CNTNAP2: variants seen among roughly 807,000 people sequenced by gnomAD.
CNTNAP2 encodes the protein contactin associated protein 2.
In CNTNAP2, 98 loss-of-function variants were observed where a neutral mutation model predicts 155.2. That is an observed-to-expected ratio of 0.63 (90% CI 0.54 to 0.75). The LOEUF (loss-of-function observed/expected upper bound fraction) is 0.75, where lower values mean the gene tolerates loss of function less well. CNTNAP2 is among the 30% of genes least tolerant of loss of function. CNTNAP2 has a pLI of 0.00. For synonymous variants in CNTNAP2, 651 were observed against 631.2 expected, an observed-to-expected ratio of 1.03 and a Z score of -0.47; for missense variants, 1,727 against 1,688.1, an observed-to-expected ratio of 1.02 and a Z score of -0.40.
rs1411862303 is a variant in CNTNAP2, at chr7:146,614,985, T to A, written c.98-159286T>A. 2.0e-5 allele frequency among the ~76,000 whole-genome samples: 3 copies of A among 152,254 alleles called. No homozygotes were observed. The East Asian group carries it at 5.8e-4, about 29-fold the overall frequency. ...ATAAAAGAAGGCAAAAAAAAGCTTT[T>A]GAAAAAAGAAAATATACTGGGAAAT... On this transcript the variant is annotated intron_variant, in intron 1 of 23. Transcript: ENST00000361727.
chr7:147,505,962 CTCT>C (rs1181960001), intron 11 of CNTNAP2, among the ~76,000 whole-genome samples: 1 of 152,216 alleles, frequency 6.6e-6, no homozygotes, highest in Non-Finnish European at 1.5e-5. Flanking sequence ...AAGAAGGAGT[CTCT>C]TAAGAACCGG....
At chr7:146,871,073 G>C (rs1795295943) in intron 3 of CNTNAP2, among the ~76,000 whole-genome samples, 1 of 152,154 alleles carries the variant, frequency 6.6e-6, no homozygotes, top group East Asian at 1.9e-4. Context: ...TATTGAAATG[G>C]ATTATAACAT....
chr7:146,633,701 C>A (rs1336427938), intron 1 of CNTNAP2, among the ~76,000 whole-genome samples: 1 of 151,680 alleles, frequency 6.6e-6, no homozygotes, highest in Non-Finnish European at 1.5e-5. Flanking sequence ...TGATGGTGGG[C>A]GCCTGTAGTC....
intron 1 of CNTNAP2, among the ~76,000 whole-genome samples, chr7:146,575,537 A>G (rs891690736): frequency 3.3e-5 from 5 of 152,194 alleles, no homozygotes; most frequent in Non-Finnish European, 7.3e-5. Flanking sequence ...TTACATTTGT[A>G]TATTTAAGTA....
intron 3 of CNTNAP2, among the ~76,000 whole-genome samples, chr7:147,015,718 A>T (rs1015897767): frequency 6.6e-6 from 1 of 152,076 alleles, no homozygotes; most frequent in Non-Finnish European, 1.5e-5. Context: ...GAATTTAAGA[A>T]GGGTAAAAAC....
chr7:148,009,315 G>C (rs1454395421), intron 15 of CNTNAP2, among the ~76,000 whole-genome samples: 1 of 152,096 alleles, frequency 6.6e-6, no homozygotes, highest in African/African-American at 2.4e-5. Context: ...AAACAAAATG[G>C]TTGTACAGGT....
chr7:147,759,288 C>A (rs750100503), intron 13 of CNTNAP2, among the ~76,000 whole-genome samples: 2 of 152,140 alleles, frequency 1.3e-5, no homozygotes, highest in African/African-American at 2.4e-5. Context: ...TTTCTCCAGA[C>A]AACTCAAAAT....
At chr7:148,309,556 G>A (rs904936599) in intron 21 of CNTNAP2, among the ~76,000 whole-genome samples, 7 of 152,058 alleles carry the variant, frequency 4.6e-5, no homozygotes, top group Non-Finnish European at 7.4e-5. Flanking sequence ...TATAAGATTC[G>A]GGTAAGTAAA....
At chr7:147,820,445 G>A (rs541800677) in intron 13 of CNTNAP2, among the ~76,000 whole-genome samples, 11 of 151,718 alleles carry the variant, frequency 7.3e-5, no homozygotes, top group African/African-American at 2.2e-4. Context: ...ATTTCCTGCC[G>A]GTCTATGATT....
rs142585091 is a variant in CNTNAP2 at position 147,460,591 on chromosome 7, T to A, written c.1671-25344T>A. 5.8e-3 allele frequency among the ~76,000 whole-genome samples: 886 copies of A among 152,300 alleles called. 5 individuals carry two copies. Among genetic ancestry groups the A allele is most frequent in the Middle Eastern group, 0.01 (3 of 292 alleles). On this transcript the variant is annotated intron_variant, in intron 10 of 23. Transcript: ENST00000361727. ...ATTTTGAAGTTAATCATTTTTAAAT[T>A]GGGCTTTGAATGCACCTAGGTCAGA...
intron 3 of CNTNAP2, among the ~76,000 whole-genome samples, chr7:146,882,501 C>T (rs1463833341): frequency 6.6e-6 from 1 of 151,792 alleles, no homozygotes; most frequent in African/African-American, 2.4e-5. Context: ...TTTATAAAGG[C>T]CTTTCCCCCC....
At chr7:146,749,052 T>C (rs1801859432) in intron 1 of CNTNAP2, among the ~76,000 whole-genome samples, 1 of 152,200 alleles carries the variant, frequency 6.6e-6, no homozygotes, top group Admixed American at 6.5e-5. Context: ...TATGAAAGTT[T>C]TCCTTCCTTC....
At chr7:147,784,823 C>T (rs1026800719) in intron 13 of CNTNAP2, among the ~76,000 whole-genome samples, 1 of 151,618 alleles carries the variant, frequency 6.6e-6, no homozygotes, top group African/African-American at 2.4e-5. Flanking sequence ...GACTGTGCTG[C>T]AGTGGTGGTG....
intron 15 of CNTNAP2, among the ~76,000 whole-genome samples, chr7:148,059,126 T>C (rs28640168): frequency 4.0e-5 from 6 of 151,284 alleles, no homozygotes; most frequent in African/African-American, 1.2e-4. Context: ...ACCAAAAAAA[T>C]AAAAAATAAA....
intron 2 of CNTNAP2, among the ~76,000 whole-genome samples, chr7:146,798,747 CA>C (rs1472583450): frequency 1.3e-5 from 2 of 152,074 alleles, no homozygotes; most frequent in African/African-American, 4.8e-5. Flanking sequence ...ATTTTATGGG[CA>C]GATTTTTTTT....
At chr7:146,150,044 C>G (rs115899201) in intron 1 of CNTNAP2, among the ~76,000 whole-genome samples, 2,244 of 152,046 alleles carry the variant, frequency 0.015, 62 homozygotes, top group African/African-American at 0.051. Context: ...GCAGTTGTAC[C>G]CAGCATATAT....
At chr7:146,894,742 A>G (rs1323058287) in intron 3 of CNTNAP2, among the ~76,000 whole-genome samples, 1 of 152,144 alleles carries the variant, frequency 6.6e-6, no homozygotes, top group Non-Finnish European at 1.5e-5. Flanking sequence ...TAATTCTTTG[A>G]AGAAAACTGG....
rs560993910 is a variant in CNTNAP2 at position 147,904,624 on chromosome 7, T to C, written c.2255+903T>C. The stretch of plus-strand genomic sequence containing the variant: ...TGTAGTATGCTATTTACAGGGACAG[T>C]TTACAAGACAAATTCATTCCACCAG... On this transcript the variant is annotated intron_variant, in intron 14 of 23. Coordinates refer to ENST00000361727, the MANE Select transcript of CNTNAP2 (RefSeq NM_014141.6). Among the ~76,000 whole-genome samples the C allele has an allele frequency of 2.3e-4, 35 of 152,268 alleles. No individual in the cohort carries two copies. In the East Asian group the frequency reaches 6.4e-3, roughly 28 times the overall value.
At chr7:146,120,629 G>A (rs1394409185) in intron 1 of CNTNAP2, among the ~76,000 whole-genome samples, 2 of 152,044 alleles carry the variant, frequency 1.3e-5, no homozygotes, top group African/African-American at 4.8e-5. Flanking sequence ...TTCAATGATG[G>A]ACCACGTGTA....
Sources: allele counts gnomAD v4.1 joint callset (sites outside exome capture counted in the v4.1 genomes callset), GRCh38; gene constraint gnomAD v4.1.1; transcripts MANE v1.5; gene names NCBI Gene and HGNC (gene_info 2026-07-23, HGNC 2026-07-21).